The following UNC45B variants were observed in gnomAD, a reference collection of about 807,000 sequenced individuals.
The protein encoded by UNC45B is unc-45 myosin chaperone B.
In UNC45B, 78 loss-of-function variants were observed where a neutral mutation model predicts 98.7. The ratio of observed to expected loss-of-function variants is 0.79; its 90% CI spans 0.66 to 0.95. The LOEUF (loss-of-function observed/expected upper bound fraction) is 0.95. Among genes scored for constraint, UNC45B ranks in the 40% least tolerant of loss-of-function variants. UNC45B has a pLI of 0.00. For missense variants in UNC45B, 1,225 were observed against 1,184.9 expected (o/e 1.03, Z -0.50); for synonymous variants, 462 against 480.4 (o/e 0.96, Z 0.50).
chr17:35,166,113 T>TAAAAAAAAAAAAAAAAAAAAAAAAAAAA lies in UNC45B; in HGVS notation c.1152-1943_1152-1942insAAAAAAAAAAAAAAAAAAAAAAAAAAAA, dbSNP rs1435189350. ...AAAAAAAAAAAAAAAAAAAAAAAAT[T>TAAAAAAAAAAAAAAAAAAAAAAAAAAAA]AAAAATGAGTCAAGTGTGGTGGCAC... On this transcript the variant is annotated intron_variant, in intron 9 of 19. Coordinates refer to ENST00000394570, the MANE Select transcript of UNC45B (RefSeq NM_001267052.2). Among the ~76,000 whole-genome samples, 174 of 88,866 alleles carry TAAAAAAAAAAAAAAAAAAAAAAAAAAAA rather than the reference T, an allele frequency of 2.0e-3. 1 individual carries two copies. The highest frequency in any genetic ancestry group is 5.7e-3 in the Middle Eastern group (1 of 176). 58.3% of individuals were successfully genotyped at this position (88,866 alleles called of 152,430 possible). A position where few individuals can be genotyped will look rare whatever the true frequency, so the allele number is the denominator to read the frequency against.
At chr17:35,156,845 G>T (rs1357806600) in intron 7 of UNC45B, among the ~76,000 whole-genome samples, 1 of 151,822 alleles carries the variant, frequency 6.6e-6, no homozygotes, top group African/African-American at 2.4e-5. Context: ...TTGGAATTCT[G>T]CTATGAATAG....
At chr17:35,168,906 C>T (rs2092162020) in intron 10 of UNC45B, among the ~76,000 whole-genome samples, 1 of 152,176 alleles carries the variant, frequency 6.6e-6, no homozygotes, top group Non-Finnish European at 1.5e-5. Context: ...GGGGTTTCGC[C>T]ATGTTGGCCA....
intron 17 of UNC45B, 33 bp from the exon 18 acceptor site, chr17:35,180,526 A>G: frequency 1.3e-6 from 2 of 1,575,074 alleles, no homozygotes; most frequent in Non-Finnish European, 1.7e-6. Context: ...CAGAAGACTC[A>G]AGGGTCTTTC....
At position 35,154,641 on chromosome 17, in the gene UNC45B, G is replaced by A; in HGVS notation, c.539G>A (p.Gly180Glu). Residue 180 changes from glycine (G) to glutamate (E), a missense_variant, in exon 6 of 20, where the codon GGA (glycine) becomes GAA (glutamate). By Grantham distance (98) the Gly-to-Glu change is moderately conservative (BLOSUM62 -2). Coordinates refer to ENST00000394570, the MANE Select transcript of UNC45B (RefSeq NM_001267052.2). ...GCTGAGAAGATCTTCCAGAACAATGGAGTAGCCTTGCTACTGCAGCTTCTG... is the reference window on the plus strand; with the variant it reads ...GCTGAGAAGATCTTCCAGAACAATGAAGTAGCCTTGCTACTGCAGCTTCTG... ...AGAEKIFQNN[G>E]VALLLQLLDT... 1.9e-6 allele frequency: 3 copies of A among 1,613,500 alleles called. No homozygotes were observed. The highest frequency in any genetic ancestry group is 2.5e-6 in the Non-Finnish European group (3 of 1,179,774).
At position 35,174,625 on chromosome 17, in the gene UNC45B, G is replaced by C. The variant is rs12452554; in HGVS notation, c.1958+256G>C. On this transcript the variant is annotated intron_variant, in intron 14 of 19. Transcript: ENST00000394570. Reference sequence around the variant, plus strand: ...GCTTGAGCCCAGGAATTCAAGACTAGCTTGGGAAACATATTGAGACCCCAT... The same window carrying C: ...GCTTGAGCCCAGGAATTCAAGACTACCTTGGGAAACATATTGAGACCCCAT... Among the ~76,000 whole-genome samples, 12,699 of 152,030 alleles carry C rather than the reference G, an allele frequency of 0.084. 775 individuals carry two copies. The highest frequency in any genetic ancestry group is 0.26 in the East Asian group (1,355 of 5,132).
Position 35,170,100 on chromosome 17 carries a change from C to T in UNC45B, c.1548-14C>T. ...CTGGGCCCCTTCCCATGTGTGCTCCCTCCTCACTTCCAGGTGGCTGTGCAA... is the reference window on the plus strand; with the variant it reads ...CTGGGCCCCTTCCCATGTGTGCTCCTTCCTCACTTCCAGGTGGCTGTGCAA... On this transcript the variant is annotated splice_polypyrimidine_tract_variant and intron_variant, in intron 11 of 19. Transcript: ENST00000394570. The T allele has an allele frequency of 6.2e-7, 1 of 1,605,458 alleles. No homozygotes were observed. Among genetic ancestry groups the T allele is most frequent in the Middle Eastern group, 1.7e-4 (1 of 6,034 alleles).
chr17:35,152,313 C>A (rs147007098), intron 4 of UNC45B, among the ~76,000 whole-genome samples: 1 of 152,008 alleles, frequency 6.6e-6, no homozygotes, highest in Non-Finnish European at 1.5e-5. Flanking sequence ...CCCCCCCAAA[C>A]AAAGTAACAG....
At chr17:35,152,865 C>T in intron 4 of UNC45B, 28 bp from the exon 5 acceptor site, 1 of 1,596,096 alleles carries the variant, frequency 6.3e-7, no homozygotes, top group South Asian at 1.1e-5. Flanking sequence ...CCACCTGCCT[C>T]CTTCCCCACT....
chr17:35,158,843 G>A (rs2092081746), intron 7 of UNC45B, among the ~76,000 whole-genome samples: 1 of 152,124 alleles, frequency 6.6e-6, no homozygotes, highest in Non-Finnish European at 1.5e-5. Flanking sequence ...ATCCTAGAAT[G>A]AGAACAAAAA....
Position 35,164,098 on chromosome 17 carries a change from G to C in UNC45B, c.1083G>C (p.Lys361Asn). ...TGCTGGCCTCTATCCTCATCAACAA[G>C]CTCTATGATGACCTGCGCTGTGACC... ...TRMLASILIN[K>N]LYDDLRCDPE... is the part of the protein sequence containing the mutation. Residue 361 changes from lysine (K) to asparagine (N), a missense_variant, in exon 9 of 20, where the codon AAG (lysine) becomes AAC (asparagine). Coordinates refer to ENST00000394570, the MANE Select transcript of UNC45B (RefSeq NM_001267052.2). 1 of 1,614,046 alleles carries C rather than the reference G, an allele frequency of 6.2e-7. No homozygotes were observed. The highest frequency in any genetic ancestry group is 8.5e-7 in the Non-Finnish European group (1 of 1,179,988).
At chr17:35,159,304 C>T in intron 7 of UNC45B, 71 bp from the exon 8 acceptor site, 3 of 1,400,640 alleles carry the variant, frequency 2.1e-6, no homozygotes, top group Non-Finnish European at 2.9e-6. Flanking sequence ...CTAGAAGCTG[C>T]TGCTCTTCTT....
Position 35,147,881 on chromosome 17 carries a change from C to A in UNC45B, c.-30C>A. 5.3e-6 allele frequency: 1 copy of A among 187,524 alleles called. No homozygotes were observed. The highest frequency in any genetic ancestry group is 1.1e-5 in the Non-Finnish European group (1 of 89,422). 11.6% of individuals were successfully genotyped at this position (187,524 alleles called of 1,614,324 possible). Reference sequence around the variant, plus strand: ...TCAGGGGAGCAGCATCACAAGAGGGCAGATCGAAAGCATCGTCCTTGCTGA... The same window carrying A: ...TCAGGGGAGCAGCATCACAAGAGGGAAGATCGAAAGCATCGTCCTTGCTGA... On this transcript the variant is annotated 5_prime_UTR_variant, in exon 1 of 20. Transcript: ENST00000394570.
intron 13 of UNC45B, among the ~76,000 whole-genome samples, chr17:35,172,882 A>G (rs926557451): frequency 6.6e-6 from 1 of 152,264 alleles, no homozygotes; most frequent in East Asian, 1.9e-4. Flanking sequence ...CTTTTATTTC[A>G]TTCCTCTGTG....
rs757526913 is a variant in UNC45B, at chr17:35,170,233, A to G, written c.1667A>G (p.Gln556Arg). ...TTTGTCCAGGACGTCCCTGCCCTGC[A>G]GGCCATGTTTGAGCTGGCCAAGGCA... Reference protein sequence around the residue: ...DDFVQDVPALQAMFELAKTSD... With the variant: ...DDFVQDVPALRAMFELAKTSD... The change falls in exon 12 of 20, where the codon CAG (glutamine) becomes CGG (arginine). Residue 556 changes from glutamine (Q) to arginine (R), a missense_variant. Physicochemically the swap from Gln to Arg is conservative, Grantham distance 43. Coordinates refer to ENST00000394570, the MANE Select transcript of UNC45B (RefSeq NM_001267052.2). The G allele has an allele frequency of 6.2e-7, 1 of 1,611,672 alleles. No individual in the cohort carries two copies. The highest frequency in any genetic ancestry group is 8.5e-7 in the Non-Finnish European group (1 of 1,178,252).
chr17:35,164,343 C>A, intron 9 of UNC45B, 177 bp downstream of exon 9: 1 of 637,670 alleles, frequency 1.6e-6, no homozygotes, highest in Non-Finnish European at 2.4e-6. Context: ...CATGAAGTTA[C>A]AGTCATATGC....
At chr17:35,161,991 G>A (rs2092105680) in intron 8 of UNC45B, among the ~76,000 whole-genome samples, 1 of 152,212 alleles carries the variant, frequency 6.6e-6, no homozygotes, top group South Asian at 2.1e-4. Context: ...ATGGCTACCT[G>A]GAGAGGGCAT....
intron 9 of UNC45B, among the ~76,000 whole-genome samples, chr17:35,165,236 G>A (rs2092130537): frequency 6.6e-6 from 1 of 152,136 alleles, no homozygotes; most frequent in African/African-American, 2.4e-5. Context: ...AAGGAGGGAG[G>A]CCCGGTTCTT....
rs746842972 is a variant in UNC45B, at chr17:35,148,950, CCTT to C, written c.169-20_169-18del. ...CATTGGGCCCACATTAACCGAGTCT[CCTT>C]CTCCTTCCCCTTTCCTCAGGAGAGC... On this transcript the variant is annotated intron_variant, in intron 2 of 19. Coordinates refer to ENST00000394570, the MANE Select transcript of UNC45B (RefSeq NM_001267052.2). 1.4e-5 allele frequency: 23 copies of C among 1,614,096 alleles called. No homozygotes were observed. Among genetic ancestry groups the C allele is most frequent in the Middle Eastern group, 1.6e-4 (1 of 6,062 alleles).
At position 35,168,579 on chromosome 17, in the gene UNC45B, G is replaced by A. The variant is rs143054925; in HGVS notation, c.1452+218G>A. Among the ~76,000 whole-genome samples, 18 of 152,296 alleles carry A rather than the reference G, an allele frequency of 1.2e-4. No individual in the cohort carries two copies. In the East Asian group the frequency reaches 2.9e-3, roughly 24 times the overall value. On this transcript the variant is annotated intron_variant, in intron 10 of 19. Coordinates refer to ENST00000394570, the MANE Select transcript of UNC45B (RefSeq NM_001267052.2). ...AACTCTGCTGCTTAACCCTGAGGAC[G>A]TTCGTCTCCCTGCTTATGAACAACA...
Sources: allele counts gnomAD v4.1 joint callset (sites outside exome capture counted in the v4.1 genomes callset), GRCh38; gene constraint gnomAD v4.1.1; transcripts MANE v1.5; gene names NCBI Gene and HGNC (gene_info 2026-07-23, HGNC 2026-07-21).